Variants in PARP16 observed in about 807,000 individuals in gnomAD.
PARP16 encodes poly(ADP-ribose) polymerase family member 16.
A neutral mutation model predicts 35.0 loss-of-function variants in PARP16; 31 were observed. The ratio of observed to expected loss-of-function variants is 0.88; its 90% CI spans 0.66 to 1.19. PARP16 has a LOEUF of 1.19. PARP16 is among the 50% of genes most tolerant of loss of function. The pLI is 0.00. For synonymous variants in PARP16, 162 were observed against 169.5 expected, an observed-to-expected ratio of 0.96 and a Z score of 0.34; for missense variants, 424 against 411.2, an observed-to-expected ratio of 1.03 and a Z score of -0.27.
At chr15:65,278,522 A>T (rs895917839) in intron 1 of PARP16, among the ~76,000 whole-genome samples, 24 of 152,158 alleles carry the variant, frequency 1.6e-4, no homozygotes, top group Admixed American at 7.2e-4. Context: ...CTTAGGAAAG[A>T]GGTACTTTGG....
intron 2 of PARP16, among the ~76,000 whole-genome samples, chr15:65,249,758 G>T (rs1186362799): frequency 6.6e-6 from 1 of 152,250 alleles, no homozygotes; most frequent in Non-Finnish European, 1.5e-5. Context: ...AGCTTGAGCA[G>T]GCAGTGGGGG....
At chr15:65,283,467 C>A (rs1595725468) in intron 1 of PARP16, among the ~76,000 whole-genome samples, 1 of 152,130 alleles carries the variant, frequency 6.6e-6, no homozygotes, top group Non-Finnish European at 1.5e-5. Flanking sequence ...CATAGGCTGG[C>A]CTCATCTCTT....
chr15:65,263,715 C>A (rs2089809329), intron 3 of PARP16, among the ~76,000 whole-genome samples: 1 of 152,182 alleles, frequency 6.6e-6, no homozygotes, highest in South Asian at 2.1e-4. Context: ...AGCTCCTTTA[C>A]AAGGTTGCCA....
intron 3 of PARP16, among the ~76,000 whole-genome samples, chr15:65,241,919 T>C (rs2089089918): frequency 6.6e-6 from 1 of 152,180 alleles, no homozygotes; most frequent in South Asian, 2.1e-4. Context: ...TTTATAAACC[T>C]TTTCACTGAT....
At chr15:65,239,209 C>T (rs190942389) in intron 3 of PARP16, among the ~76,000 whole-genome samples, 18 of 151,620 alleles carry the variant, frequency 1.2e-4, no homozygotes, top group Admixed American at 1.2e-3. Flanking sequence ...GGGCGGATCA[C>T]GAGGTCAAGA....
chr15:65,243,739 T>G (rs1370511170), intron 3 of PARP16, among the ~76,000 whole-genome samples: 2 of 152,172 alleles, frequency 1.3e-5, no homozygotes, highest in African/African-American at 4.8e-5. Context: ...TTTTTTTTTG[T>G]GGGAAGGTTT....
chr15:65,279,894 T>C (rs1038973510), intron 1 of PARP16, among the ~76,000 whole-genome samples: 2 of 151,884 alleles, frequency 1.3e-5, no homozygotes, highest in African/African-American at 4.8e-5. Flanking sequence ...GTTTTTTTTT[T>C]TCCTTAGTTT....
intron 1 of PARP16, chr15:65,282,643 T>A (rs1422406608): frequency 2.6e-5 from 4 of 152,188 alleles, no homozygotes; most frequent in African/African-American, 9.6e-5. Context: ...CTATAAGGAA[T>A]ATGGCAACAG....
rs957371095 is a variant in PARP16 at position 65,286,526 on chromosome 15, G to A, written c.-100C>T. On this transcript the variant is annotated 5_prime_UTR_variant, in exon 1 of 6. Transcript: ENST00000649807. ...TGGGCCCGCGGACAATGGGCCGTCA[G>A]GGGCCGGGTTCCCAAGCCTGGGGTG... 37 of 933,882 alleles carry A rather than the reference G, an allele frequency of 4.0e-5. No homozygotes were observed. In the African/African-American group the frequency reaches 4.9e-4, roughly 12 times the overall value. 57.8% of individuals were successfully genotyped at this position (933,882 alleles called of 1,614,324 possible).
chr15:65,274,934 G>A (rs1345490997), intron 1 of PARP16, among the ~76,000 whole-genome samples: 1 of 152,100 alleles, frequency 6.6e-6, no homozygotes, highest in African/African-American at 2.4e-5. Flanking sequence ...TGGCCAACAT[G>A]GCAAAACACC....
At chr15:65,247,898 G>A (rs543248823) in intron 3 of PARP16, among the ~76,000 whole-genome samples, 3 of 146,672 alleles carry the variant, frequency 2.0e-5, no homozygotes, top group East Asian at 4.0e-4. Flanking sequence ...TCCACTTCCC[G>A]GGTTCATGCC....
chr15:65,286,163 A>G, intron 1 of PARP16, 90 bp downstream of exon 1: 2 of 1,069,748 alleles, frequency 1.9e-6, no homozygotes, highest in South Asian at 1.9e-5. Context: ...TGTCATGTTT[A>G]CTAATGCGGA....
intron 3 of PARP16, among the ~76,000 whole-genome samples, chr15:65,244,664 C>A (rs1010143505): frequency 6.6e-6 from 1 of 152,210 alleles, no homozygotes; most frequent in Non-Finnish European, 1.5e-5. Context: ...ACTTTCAGTG[C>A]CTTAAGAGCA....
At chr15:65,256,964 C>T (rs909600006), downstream of PARP16, among the ~76,000 whole-genome samples, 1 of 152,194 alleles carries the variant, frequency 6.6e-6, no homozygotes, top group Admixed American at 6.5e-5. Context: ...AGCTCTGCCA[C>T]ATCCTAGCAA....
intron 2 of PARP16, among the ~76,000 whole-genome samples, chr15:65,269,438 C>T (rs1387691385): frequency 1.3e-5 from 2 of 152,060 alleles, no homozygotes; most frequent in Non-Finnish European, 2.9e-5. Flanking sequence ...CCTCATGATC[C>T]GCCCACCTTA....
chr15:65,233,919 T>G (rs1281435073), downstream of PARP16, among the ~76,000 whole-genome samples: 1 of 152,026 alleles, frequency 6.6e-6, no homozygotes, highest in Non-Finnish European at 1.5e-5. Flanking sequence ...AGTAAAAAAA[T>G]TTTTTTTCTT....
rs751375140 is a variant in PARP16 at position 65,286,476 on chromosome 15, G to A, written c.-50C>T. Reference sequence around the variant, plus strand: ...GTAGACGCGCTGGTTAGGGGCAAGGGCGAGCGTGCGTTCAGCGCGGGGGCT... The same window carrying A: ...GTAGACGCGCTGGTTAGGGGCAAGGACGAGCGTGCGTTCAGCGCGGGGGCT... On this transcript the variant is annotated 5_prime_UTR_variant, in exon 1 of 6. Coordinates refer to ENST00000649807, the MANE Select transcript of PARP16 (RefSeq NM_001316943.2). The A allele has an allele frequency of 2.2e-6, 3 of 1,347,304 alleles. No homozygotes were observed. The highest frequency in any genetic ancestry group is 3.2e-5 in the South Asian group (2 of 61,774). The allele number at this position is 1,347,304 out of a possible 1,614,324, so 83.5% of individuals were successfully genotyped here.
Position 65,259,199 on chromosome 15 carries a change from G to C in PARP16, c.*208C>G, listed in dbSNP as rs190653435. The C allele has an allele frequency of 5.3e-5, 32 of 607,884 alleles. No homozygotes were observed. The Admixed American group carries it at 5.7e-4, about 11-fold the overall frequency. The allele number at this position is 607,884 out of a possible 1,614,324, so 37.7% of individuals were successfully genotyped here. A position where few individuals can be genotyped will look rare whatever the true frequency, so the allele number is the denominator to read the frequency against. On this transcript the variant is annotated 3_prime_UTR_variant, in exon 6 of 6. Transcript: ENST00000649807. Reference sequence around the variant, plus strand: ...ATGGAAGGACTCCCCTAAAACCTAAGAGTGAGGGACTAGTAGTCCCCGTTG... The same window carrying C: ...ATGGAAGGACTCCCCTAAAACCTAACAGTGAGGGACTAGTAGTCCCCGTTG...
At chr15:65,251,231 C>T (rs1342052976) in intron 2 of PARP16, among the ~76,000 whole-genome samples, 1 of 152,058 alleles carries the variant, frequency 6.6e-6, no homozygotes, top group Non-Finnish European at 1.5e-5. Flanking sequence ...TGGGGATAGT[C>T]CAAGGGTCAG....
Sources: gnomAD v4.1 joint callset for allele counts (sites outside exome capture counted in the v4.1 genomes callset) on GRCh38, gnomAD v4.1.1 for gene constraint, MANE v1.5 for transcripts, NCBI Gene and HGNC (gene_info 2026-07-23, HGNC 2026-07-21) for gene names.